Variants in TRIM25 observed in about 807,000 individuals in gnomAD.
TRIM25 encodes tripartite motif containing 25, also known as E3 ubiquitin/ISG15 ligase TRIM25.
A neutral mutation model predicts 65.2 loss-of-function variants in TRIM25; 45 were observed. The observed-to-expected ratio is 0.69, with a 90% CI of 0.54 to 0.89. The LOEUF is 0.89. TRIM25 is among the 40% of genes least tolerant of loss of function. The pLI is 0.00. For synonymous variants in TRIM25, 321 were observed against 340.4 expected, an observed-to-expected ratio of 0.94 and a Z score of 0.63; for missense variants, 714 against 803.7, an observed-to-expected ratio of 0.89 and a Z score of 1.35.
chr17:56,893,572 T>G (rs1262389182), intron 8 of TRIM25, among the ~76,000 whole-genome samples: 1 of 152,212 alleles, frequency 6.6e-6, no homozygotes, highest in Non-Finnish European at 1.5e-5. Flanking sequence ...GGCTATATTT[T>G]TCAGTGATTG....
intron 2 of TRIM25, among the ~76,000 whole-genome samples, chr17:56,907,724 T>G (rs1179397723): frequency 6.6e-6 from 1 of 152,178 alleles, no homozygotes; most frequent in Non-Finnish European, 1.5e-5. Context: ...AAAAGACATG[T>G]CCATATACCA....
At chr17:56,898,720 A>T (rs1291446790) in intron 5 of TRIM25, among the ~76,000 whole-genome samples, 1 of 152,064 alleles carries the variant, frequency 6.6e-6, no homozygotes, top group East Asian at 1.9e-4. Flanking sequence ...AAAAAAAAAA[A>T]ACAGTTGAGA....
At chr17:56,903,787 G>A (rs1308340025) in intron 3 of TRIM25, among the ~76,000 whole-genome samples, 1 of 152,088 alleles carries the variant, frequency 6.6e-6, no homozygotes, top group Non-Finnish European at 1.5e-5. Context: ...CTTAAAAGAG[G>A]GATTGCATCT....
chr17:56,911,473 G>A (rs1432318799), intron 1 of TRIM25, among the ~76,000 whole-genome samples: 3 of 151,830 alleles, frequency 2.0e-5, no homozygotes, highest in Non-Finnish European at 2.9e-5. Flanking sequence ...CCAGCTGCTC[G>A]GGAGGTTGAG....
Position 56,891,591 on chromosome 17 carries a change from C to A in TRIM25, c.*109G>T. On this transcript the variant is annotated 3_prime_UTR_variant, in exon 9 of 9. Coordinates refer to ENST00000316881, the MANE Select transcript of TRIM25 (RefSeq NM_005082.5). The stretch of plus-strand genomic sequence containing the variant: ...CCCGCCAGCTCCCCTCCCATGCTCC[C>A]AATCCTTGGGACCTCTTGGGGAATT... The A allele has an allele frequency of 1.5e-6, 2 of 1,309,402 alleles. No individual in the cohort carries two copies. The highest frequency in any genetic ancestry group is 2.5e-5 in the Admixed American group (1 of 39,276). 81.1% of individuals were successfully genotyped at this position (1,309,402 alleles called of 1,614,324 possible). A position where few individuals can be genotyped will look rare whatever the true frequency, so the allele number is the denominator to read the frequency against.
intron 3 of TRIM25, among the ~76,000 whole-genome samples, chr17:56,903,570 G>A (rs919501104): frequency 9.2e-5 from 14 of 152,092 alleles, no homozygotes; most frequent in African/African-American, 2.9e-4. Flanking sequence ...CCCCGACCCC[G>A]ACTGATGTAC....
In TRIM25 at chr17:56,903,735, G is replaced by A. The variant is rs370068381; in HGVS notation, c.927+520C>T. ...TCAATTGATTTTGAGTTCATCAAAG[G>A]GCAATTATCTGGGGTGGGCCTGACT... On this transcript the variant is annotated intron_variant, in intron 3 of 8. Transcript: ENST00000316881. Among the ~76,000 whole-genome samples the A allele has an allele frequency of 5.9e-5, 9 of 152,238 alleles. 1 individual carries two copies. Among genetic ancestry groups the A allele is most frequent in the East Asian group, 1.9e-4 (1 of 5,170 alleles).
intron 6 of TRIM25, 46 bp from the exon 7 acceptor site, chr17:56,895,650 C>T: frequency 6.6e-7 from 1 of 1,514,396 alleles, no homozygotes; most frequent in African/African-American, 1.4e-5. Flanking sequence ...ACGGGATGGC[C>T]TCTACTCCCT....
chr17:56,901,389 G>A lies in TRIM25; in HGVS notation c.1087+30C>T, dbSNP rs767890619. On this transcript the variant is annotated intron_variant, in intron 4 of 8. Coordinates refer to ENST00000316881, the MANE Select transcript of TRIM25 (RefSeq NM_005082.5). ...ACCCATCGGGTTGCAGGGTTCCACA[G>A]GGGGCAGCATAGGGGGCTGCTAAGG... 7.5e-6 allele frequency: 12 copies of A among 1,605,370 alleles called. No homozygotes were observed. The African/African-American group carries it at 1.2e-4, about 16-fold the overall frequency.
rs1299355267 is a variant in TRIM25 at position 56,913,379 on chromosome 17, G to A, written c.597+13C>T. 1.3e-5 allele frequency: 20 copies of A among 1,548,492 alleles called. No homozygotes were observed. Among genetic ancestry groups the A allele is most frequent in the Non-Finnish European group, 1.8e-5 (20 of 1,142,580 alleles). The stretch of plus-strand genomic sequence containing the variant: ...GCCAGGCTGCCCTCTGCACCCAGCA[G>A]GCCGTTCCCTACCTCCAGGTCGGCG... On this transcript the variant is annotated intron_variant, in intron 1 of 8. Transcript: ENST00000316881. The surrounding 1 kb of genome is among the most constrained non-coding windows in gnomAD (Gnocchi z 6.1).
chr17:56,903,943 C>A (rs1909465733), intron 3 of TRIM25, among the ~76,000 whole-genome samples: 1 of 152,174 alleles, frequency 6.6e-6, no homozygotes, highest in Admixed American at 6.5e-5. Context: ...GAAGACAACC[C>A]TGAGCTCCAA....
chr17:56,891,649 C>G lies in TRIM25; in HGVS notation c.*51G>C. On this transcript the variant is annotated 3_prime_UTR_variant, in exon 9 of 9. Transcript: ENST00000316881. Reference sequence around the variant, plus strand: ...GAGAGTTCTGCCTGCTGTATTTTCACTAGGGTCTTGGGACTTCTGCAGGCA... The same window carrying G: ...GAGAGTTCTGCCTGCTGTATTTTCAGTAGGGTCTTGGGACTTCTGCAGGCA... 1.4e-6 allele frequency: 2 copies of G among 1,453,510 alleles called. No individual in the cohort carries two copies. The highest frequency in any genetic ancestry group is 1.8e-6 in the Non-Finnish European group (2 of 1,084,404). 90.0% of individuals were successfully genotyped at this position (1,453,510 alleles called of 1,614,324 possible).
At position 56,893,547 on chromosome 17, in the gene TRIM25, T is replaced by C. The variant is rs542885853; in HGVS notation, c.1364-1318A>G. Among the ~76,000 whole-genome samples, 168 of 152,334 alleles carry C rather than the reference T, an allele frequency of 1.1e-3. 1 individual carries two copies. The highest frequency in any genetic ancestry group is 8.1e-4 in the Non-Finnish European group (55 of 68,028). Reference sequence around the variant, plus strand: ...TCCCCACCAAGCCTGCTGCAGCTGCTTATGATAAAGGAAGGGCTATATTTT... The same window carrying C: ...TCCCCACCAAGCCTGCTGCAGCTGCCTATGATAAAGGAAGGGCTATATTTT... On this transcript the variant is annotated intron_variant, in intron 8 of 8. Transcript: ENST00000316881.
chr17:56,894,084 A>T (rs1909237752), intron 8 of TRIM25, among the ~76,000 whole-genome samples: 2 of 152,314 alleles, frequency 1.3e-5, no homozygotes, highest in East Asian at 3.9e-4. Flanking sequence ...ACGCAGCCAC[A>T]GTTGAGAGCC....
chr17:56,902,742 T>G (rs1909438201), intron 3 of TRIM25, among the ~76,000 whole-genome samples: 1 of 152,188 alleles, frequency 6.6e-6, no homozygotes, highest in African/African-American at 2.4e-5. Context: ...ACAGATACTT[T>G]GATACAGTCT....
At position 56,909,238 on chromosome 17, in the gene TRIM25, G is replaced by C. The variant is rs142195193; in HGVS notation, c.598-675C>G. Reference sequence around the variant, plus strand: ...CCAGGAGAAGGGGGAAGGGGGCCCAGAGAGATAAGCCTGATATCTAGGATG... The same window carrying C: ...CCAGGAGAAGGGGGAAGGGGGCCCACAGAGATAAGCCTGATATCTAGGATG... On this transcript the variant is annotated intron_variant, in intron 1 of 8. Coordinates refer to ENST00000316881, the MANE Select transcript of TRIM25 (RefSeq NM_005082.5). Among the ~76,000 whole-genome samples the C allele has an allele frequency of 8.0e-3, 1,221 of 152,140 alleles. 18 individuals are homozygous for C. The highest frequency in any genetic ancestry group is 0.027 in the African/African-American group (1,141 of 41,496).
In TRIM25 at chr17:56,896,668, C is replaced by CAA. The variant is rs11369332; in HGVS notation, c.1154-718_1154-717dup. ...TCAGCAACAAAATGAGACCCTGTCT[C>CAA]AAAAAAAAAAAAAAATGCTTGCCAA... On this transcript the variant is annotated intron_variant, in intron 5 of 8. Transcript: ENST00000316881. Among the ~76,000 whole-genome samples the CAA allele has an allele frequency of 3.8e-3, 488 of 128,374 alleles. 4 individuals are homozygous for CAA. Among genetic ancestry groups the CAA allele is most frequent in the South Asian group, 9.4e-3 (39 of 4,140 alleles). The allele number at this position is 128,374 out of a possible 152,430, so 84.2% of individuals were successfully genotyped here.
chr17:56,914,022 C>A lies in TRIM25; in HGVS notation c.-34G>T, dbSNP rs765173232. On this transcript the variant is annotated 5_prime_UTR_variant, in exon 1 of 9. Coordinates refer to ENST00000316881, the MANE Select transcript of TRIM25 (RefSeq NM_005082.5). ...CAGGGGTCGGGACACAACTGCTGCA[C>A]CCGCGCTCCGAGGCCGCCGAGGAAA... is the stretch of plus-strand genomic sequence containing the variant. 19 of 1,439,112 alleles carry A rather than the reference C, an allele frequency of 1.3e-5. No individual in the cohort carries two copies. Among genetic ancestry groups the A allele is most frequent in the Non-Finnish European group, 1.7e-5 (19 of 1,089,370 alleles). 89.1% of individuals were successfully genotyped at this position (1,439,112 alleles called of 1,614,324 possible).
intron 3 of TRIM25, 110 bp downstream of exon 3, chr17:56,904,145 C>T (rs190582034): frequency 1.2e-4 from 104 of 893,726 alleles, no homozygotes; most frequent in Admixed American, 9.1e-5. Flanking sequence ...CTCAGGGATG[C>T]TTCCAGTGAC....
Sources: gnomAD v4.1 joint callset for allele counts (sites outside exome capture counted in the v4.1 genomes callset) on GRCh38, gnomAD v4.1.1 for gene constraint, Gnocchi (gnomAD v3.1) non-coding constraint, MANE v1.5 for transcripts, NCBI Gene and HGNC (gene_info 2026-07-23, HGNC 2026-07-21) for gene names.